Variants in ASIC2 observed in about 807,000 individuals in gnomAD.
The protein encoded by ASIC2 is acid sensing ion channel subunit 2, also known as acid-sensing ion channel 2.
A neutral mutation model predicts 57.3 loss-of-function variants in ASIC2; 25 were observed. The observed-to-expected ratio is 0.44, with a 90% CI of 0.32 to 0.61. The LOEUF is 0.61. Among genes scored for constraint, ASIC2 ranks in the 20% least tolerant of loss-of-function variants. The pLI is 0.06. For missense variants in ASIC2, 641 were observed against 738.1 expected, an observed-to-expected ratio of 0.87 and a Z score of 1.52; for synonymous variants, 319 against 307.5, an observed-to-expected ratio of 1.04 and a Z score of -0.39.
chr17:33,918,005 A>G (rs751219210), intron 1 of ASIC2, among the ~76,000 whole-genome samples: 4 of 152,102 alleles, frequency 2.6e-5, no homozygotes, highest in Non-Finnish European at 5.9e-5. Flanking sequence ...AATAACGTGA[A>G]CTCTCATTCA....
At chr17:33,417,796 G>A (rs1008766747) in intron 1 of ASIC2, among the ~76,000 whole-genome samples, 4 of 152,122 alleles carry the variant, frequency 2.6e-5, no homozygotes, top group African/African-American at 4.8e-5. Flanking sequence ...TTTTACTAAC[G>A]AGGAAGTCCT....
intron 1 of ASIC2, among the ~76,000 whole-genome samples, chr17:33,724,908 A>C (rs1909498499): frequency 6.6e-6 from 1 of 152,186 alleles, no homozygotes; most frequent in Non-Finnish European, 1.5e-5. Flanking sequence ...AAAGGGAAAA[A>C]CAAATCTGAA....
chr17:33,095,977 C>T (rs761802457), intron 2 of ASIC2, among the ~76,000 whole-genome samples: 3 of 152,180 alleles, frequency 2.0e-5, no homozygotes, highest in Non-Finnish European at 4.4e-5. Flanking sequence ...CACTTATACC[C>T]GGCAGTGGCA....
At chr17:33,453,815 G>A (rs924470853) in intron 1 of ASIC2, among the ~76,000 whole-genome samples, 3 of 152,088 alleles carry the variant, frequency 2.0e-5, no homozygotes, top group Non-Finnish European at 4.4e-5. Context: ...GACAGCCACC[G>A]ATCTGCTTCC....
At chr17:34,114,192 G>A (rs1318103839) in intron 1 of ASIC2, among the ~76,000 whole-genome samples, 1 of 152,186 alleles carries the variant, frequency 6.6e-6, no homozygotes, top group African/African-American at 2.4e-5. Flanking sequence ...CAAGCTGGCT[G>A]ATCCTTCCTG....
intron 1 of ASIC2, among the ~76,000 whole-genome samples, chr17:33,589,037 T>A (rs1210484416): frequency 3.3e-5 from 5 of 152,254 alleles, no homozygotes; most frequent in Non-Finnish European, 5.9e-5. Context: ...TCTATTTCAT[T>A]ACTTAAATAA....
intron 1 of ASIC2, among the ~76,000 whole-genome samples, chr17:33,459,164 C>T (rs1456778571): frequency 1.3e-5 from 2 of 151,826 alleles, no homozygotes; most frequent in Non-Finnish European, 2.9e-5. Flanking sequence ...CACATGGTTT[C>T]GTCTGTGCTA....
At chr17:34,038,701 T>C (rs760086786) in intron 1 of ASIC2, 38 of 1,600,722 alleles carry the variant, frequency 2.4e-5, no homozygotes, top group Non-Finnish European at 3.1e-5. Context: ...TAAGATGACC[T>C]AATCTGAGTT....
At chr17:33,457,121 G>T (rs1007602544) in intron 1 of ASIC2, among the ~76,000 whole-genome samples, 1 of 152,144 alleles carries the variant, frequency 6.6e-6, no homozygotes, top group Non-Finnish European at 1.5e-5. Flanking sequence ...TTATTACACA[G>T]GAGTATATAA....
Position 33,384,035 on chromosome 17 carries a change from G to A in ASIC2, c.556-271968C>T, listed in dbSNP as rs527566384. On this transcript the variant is annotated intron_variant, in intron 1 of 9. Coordinates refer to the ASIC2 transcript ENST00000359872. ...AAGTAGAGGAACTAGAAGGAAGGAAGAGATTGTCTCCCTGGACTTGGCTGT... is the reference window on the plus strand; with the variant it reads ...AAGTAGAGGAACTAGAAGGAAGGAAAAGATTGTCTCCCTGGACTTGGCTGT... 3.6e-4 allele frequency among the ~76,000 whole-genome samples: 55 copies of A among 152,160 alleles called. 1 individual carries two copies. The South Asian group carries it at 0.011, about 32-fold the overall frequency.
At chr17:33,831,737 C>A (rs2141901115) in intron 1 of ASIC2, among the ~76,000 whole-genome samples, 1 of 152,310 alleles carries the variant, frequency 6.6e-6, no homozygotes, top group Admixed American at 6.5e-5. Flanking sequence ...AGGCCCGTCT[C>A]TCCCAGGGAC....
rs369248672 is a variant in ASIC2 at position 33,943,668 on chromosome 17, C to A, written c.555+212310G>T. On this transcript the variant is annotated intron_variant, in intron 1 of 9. Coordinates refer to the ASIC2 transcript ENST00000359872. ...CGAGTGAAAATATAGGAGAAAGAAG[C>A]CAACATTCATTGAATGATAATAGTA... is the stretch of plus-strand genomic sequence containing the variant. Among the ~76,000 whole-genome samples, 43 of 140,938 alleles carry A rather than the reference C, an allele frequency of 3.1e-4. No homozygotes were observed. In the South Asian group the frequency reaches 8.1e-3, roughly 26 times the overall value. 92.5% of individuals were successfully genotyped at this position (140,938 alleles called of 152,430 possible).
intron 1 of ASIC2, among the ~76,000 whole-genome samples, chr17:33,531,506 G>A (rs1047975782): frequency 1.2e-4 from 19 of 152,190 alleles, no homozygotes; most frequent in African/African-American, 2.7e-4. Flanking sequence ...AGGGCCAGAT[G>A]GCTGCCCAGG....
intron 1 of ASIC2, among the ~76,000 whole-genome samples, chr17:33,966,352 C>T (rs1209538109): frequency 6.6e-6 from 1 of 152,138 alleles, no homozygotes; most frequent in Non-Finnish European, 1.5e-5. Flanking sequence ...GGGTAAATTA[C>T]CTAACGTCTC....
chr17:33,566,545 G>A (rs1223559845), intron 1 of ASIC2, among the ~76,000 whole-genome samples: 1 of 152,208 alleles, frequency 6.6e-6, no homozygotes, highest in Non-Finnish European at 1.5e-5. Context: ...ATTAGCCAGT[G>A]GAGAGACAGA....
intron 1 of ASIC2, among the ~76,000 whole-genome samples, chr17:33,786,386 T>A (rs961870286): frequency 5.3e-5 from 8 of 152,048 alleles, no homozygotes; most frequent in African/African-American, 1.9e-4. Context: ...GACTTCTTGA[T>A]GTCAAGAAGT....
chr17:34,126,314 C>T (rs36118426), intron 1 of ASIC2, among the ~76,000 whole-genome samples: 37 of 152,216 alleles, frequency 2.4e-4, no homozygotes, highest in African/African-American at 8.2e-4. Context: ...TATTAGCCCA[C>T]TCCACTGCCT....
chr17:34,134,279 C>T (rs1180670459), intron 1 of ASIC2, among the ~76,000 whole-genome samples: 1 of 152,094 alleles, frequency 6.6e-6, no homozygotes, highest in Non-Finnish European at 1.5e-5. Flanking sequence ...TCTCTGTGAC[C>T]GCCCTATCAC....
intron 1 of ASIC2, among the ~76,000 whole-genome samples, chr17:34,132,648 T>G (rs1912021737): frequency 6.6e-6 from 1 of 152,114 alleles, no homozygotes; most frequent in Non-Finnish European, 1.5e-5. Context: ...ATTGGTGCAT[T>G]TTACAATCCT....
Sources: gnomAD v4.1 joint callset for allele counts (sites outside exome capture counted in the v4.1 genomes callset) on GRCh38, gnomAD v4.1.1 for gene constraint, MANE v1.5 for transcripts, NCBI Gene and HGNC (gene_info 2026-07-23, HGNC 2026-07-21) for gene names.